Variants in CECR2 observed in about 807,000 individuals in gnomAD.
CECR2 encodes the protein chromatin remodeling regulator CECR2.
Under a neutral mutation model 154.5 loss-of-function variants are expected in CECR2, and 30 were observed. The ratio of observed to expected loss-of-function variants is 0.19; its 90% CI spans 0.15 to 0.26. CECR2 has a LOEUF of 0.26. Ranked by LOEUF, CECR2 falls within the 10% of genes least tolerant of loss-of-function variation. The pLI is 1.00. For missense variants in CECR2, 1,743 were observed against 1,829.3 expected, an observed-to-expected ratio of 0.95 and a Z score of 0.86; for synonymous variants, 725 against 683.7, an observed-to-expected ratio of 1.06 and a Z score of -0.94.
intron 2 of CECR2, among the ~76,000 whole-genome samples, chr22:17,484,685 G>C (rs139363437): frequency 6.9e-4 from 105 of 152,294 alleles, no homozygotes; most frequent in Non-Finnish European, 1.1e-3. Flanking sequence ...CGGATCACTT[G>C]AGGTCAGGAG....
intron 6 of CECR2, 42 bp downstream of exon 6, chr22:17,503,173 TG>T: frequency 6.5e-7 from 1 of 1,548,770 alleles, no homozygotes; most frequent in Non-Finnish European, 8.8e-7. Context: ...TAAATAAATA[TG>T]ATTCATTTAT....
chr22:17,495,224 A>G (rs987555995), intron 2 of CECR2, among the ~76,000 whole-genome samples: 15 of 152,336 alleles, frequency 9.8e-5, no homozygotes, highest in East Asian at 9.6e-4. Context: ...GATGTAAAAT[A>G]ACCATCTAAC....
chr22:17,370,278 G>A (rs1188028941), intron 1 of CECR2, among the ~76,000 whole-genome samples: 1 of 146,784 alleles, frequency 6.8e-6, no homozygotes, highest in African/African-American at 2.6e-5. Context: ...GCCGCCCGGT[G>A]CCATTGAGGC....
chr22:17,429,544 ACAAAAAC>A (rs1158084388), intron 1 of CECR2, among the ~76,000 whole-genome samples: 3 of 132,488 alleles, frequency 2.3e-5, no homozygotes, highest in African/African-American at 9.0e-5. Flanking sequence ...TCTACCAAAA[ACAAAAAC>A]AAAAACAAAG....
At chr22:17,363,657 G>T (rs1346365287) in intron 1 of CECR2, among the ~76,000 whole-genome samples, 2 of 152,068 alleles carry the variant, frequency 1.3e-5, no homozygotes, top group East Asian at 3.9e-4. Flanking sequence ...TATTTTTGAG[G>T]CAGGGTCTTA....
chr22:17,505,981 G>A (rs1333430654), intron 7 of CECR2, among the ~76,000 whole-genome samples: 1 of 150,936 alleles, frequency 6.6e-6, no homozygotes, highest in Non-Finnish European at 1.5e-5. Context: ...AGTAGCTGGG[G>A]ACACAGGCTC....
intron 1 of CECR2, among the ~76,000 whole-genome samples, chr22:17,384,216 A>C (rs1297200833): frequency 6.6e-6 from 1 of 152,174 alleles, no homozygotes; most frequent in Non-Finnish European, 1.5e-5. Context: ...CAGAAGAATC[A>C]CTATCTATGG....
intron 8 of CECR2, among the ~76,000 whole-genome samples, chr22:17,517,467 TAA>T (rs2056079883): frequency 6.6e-6 from 1 of 152,234 alleles, no homozygotes; most frequent in Non-Finnish European, 1.5e-5. Context: ...TACCACAGGT[TAA>T]GTTATATATT....
At chr22:17,378,070 G>GCC (rs35157189) in intron 1 of CECR2, among the ~76,000 whole-genome samples, 8 of 151,256 alleles carry the variant, frequency 5.3e-5, no homozygotes, top group Non-Finnish European at 7.4e-5. Flanking sequence ...TGCAACCTCC[G>GCC]CCCCCCGGGT....
At chr22:17,509,079 C>T (rs1017358289) in intron 7 of CECR2, among the ~76,000 whole-genome samples, 12 of 152,130 alleles carry the variant, frequency 7.9e-5, no homozygotes, top group Non-Finnish European at 1.5e-4. Flanking sequence ...GGCAAAACCC[C>T]ATCTCTACTA....
intron 1 of CECR2, among the ~76,000 whole-genome samples, chr22:17,373,934 AAAG>A (rs2063088989): frequency 6.6e-6 from 1 of 152,214 alleles, no homozygotes; most frequent in Non-Finnish European, 1.5e-5. Flanking sequence ...TGATTCAAGA[AAAG>A]AAGAAAGGCT....
intron 1 of CECR2, among the ~76,000 whole-genome samples, chr22:17,454,196 G>GTA (rs1482061359): frequency 6.6e-6 from 1 of 150,628 alleles, no homozygotes; most frequent in Non-Finnish European, 1.5e-5. Context: ...CTACTCAGGA[G>GTA]GCTGAAGTGG....
intron 1 of CECR2, among the ~76,000 whole-genome samples, chr22:17,456,648 A>G (rs116915107): frequency 0.026 from 3,895 of 152,292 alleles, 91 homozygotes; most frequent in South Asian, 0.13. Flanking sequence ...TTTCAGAAAC[A>G]TCCCTTTTTT....
At chr22:17,417,734 T>C (rs1395420901) in intron 1 of CECR2, among the ~76,000 whole-genome samples, 2 of 152,150 alleles carry the variant, frequency 1.3e-5, no homozygotes, top group African/African-American at 4.8e-5. Context: ...TTCTCATGCC[T>C]CAGCCTCCCT....
At chr22:17,525,780 T>G (rs2056254674) in intron 9 of CECR2, among the ~76,000 whole-genome samples, 1 of 152,208 alleles carries the variant, frequency 6.6e-6, no homozygotes, top group South Asian at 2.1e-4. Flanking sequence ...GGAATTGTGT[T>G]TTTTTATTTA....
intron 1 of CECR2, among the ~76,000 whole-genome samples, chr22:17,441,874 G>C (rs5747140): frequency 0.3 from 45,244 of 152,106 alleles, 9,778 homozygotes; most frequent in African/African-American, 0.58. Context: ...GGAACATGTT[G>C]AAGTATAAAA....
At chr22:17,415,326 C>T (rs1377773870) in intron 1 of CECR2, among the ~76,000 whole-genome samples, 1 of 152,178 alleles carries the variant, frequency 6.6e-6, no homozygotes, top group African/African-American at 2.4e-5. Context: ...CAACCTCCAC[C>T]TCCCAGGCTC....
rs115199789 is a variant in CECR2 at position 17,407,951 on chromosome 22, G to C, written c.126+38042G>C. Among the ~76,000 whole-genome samples the C allele has an allele frequency of 2.4e-3, 373 of 152,308 alleles. 1 individual carries two copies. The highest frequency in any genetic ancestry group is 8.5e-3 in the African/African-American group (355 of 41,568). Reference sequence around the variant, plus strand: ...AGTTTTCATTAGAACATGGGTGTCCGAAACTGTACCTTTGGTGACTAATAA... The same window carrying C: ...AGTTTTCATTAGAACATGGGTGTCCCAAACTGTACCTTTGGTGACTAATAA... On this transcript the variant is annotated intron_variant, in intron 1 of 18. Coordinates refer to ENST00000262608, the MANE Select transcript of CECR2 (RefSeq NM_001290047.2).
At chr22:17,483,377 T>C (rs879604507) in intron 2 of CECR2, among the ~76,000 whole-genome samples, 6 of 152,120 alleles carry the variant, frequency 3.9e-5, no homozygotes, top group African/African-American at 7.2e-5. Context: ...CTGGGCAACA[T>C]AGCAAGACTC....
Sources: allele counts gnomAD v4.1 joint callset (sites outside exome capture counted in the v4.1 genomes callset), GRCh38; gene constraint gnomAD v4.1.1; transcripts MANE v1.5; gene names NCBI Gene and HGNC (gene_info 2026-07-23, HGNC 2026-07-21).